Variants in ARHGAP23 observed in about 807,000 individuals in gnomAD.
ARHGAP23 encodes rho GTPase-activating protein 23.
A neutral mutation model predicts 136.3 loss-of-function variants in ARHGAP23; 34 were observed. The observed-to-expected ratio is 0.25, with a 90% CI of 0.19 to 0.33. ARHGAP23 has a LOEUF of 0.33. Among genes scored for constraint, ARHGAP23 ranks in the 10% least tolerant of loss-of-function variants. The pLI is 1.00. For synonymous variants in ARHGAP23, 832 were observed against 920.5 expected (o/e 0.90, Z 1.74); for missense variants, 1,808 against 2,139.0 (o/e 0.85, Z 3.05).
upstream of ARHGAP23, among the ~76,000 whole-genome samples, chr17:38,428,142 T>C (rs1467305727): frequency 6.6e-6 from 1 of 152,188 alleles, no homozygotes; most frequent in Non-Finnish European, 1.5e-5. Flanking sequence ...CCTTGTCCTC[T>C]TTCCTGGGCC....
intron 1 of ARHGAP23, among the ~76,000 whole-genome samples, chr17:38,441,448 C>T (rs1176163080): frequency 2.6e-5 from 4 of 152,178 alleles, no homozygotes; most frequent in Non-Finnish European, 5.9e-5. Flanking sequence ...TAACCTCTTC[C>T]CCCACCTTCT....
intron 17 of ARHGAP23, among the ~76,000 whole-genome samples, chr17:38,487,788 C>T (rs2040190630): frequency 6.6e-6 from 1 of 152,076 alleles, no homozygotes; most frequent in South Asian, 2.1e-4. Flanking sequence ...TGCTTGATCC[C>T]AGGAGGCAGA....
Position 38,510,899 on chromosome 17 carries a change from C to G in ARHGAP23, c.4403C>G (p.Pro1468Arg). 6.7e-7 allele frequency: 1 copy of G among 1,491,300 alleles called. No homozygotes were observed. Among genetic ancestry groups the G allele is most frequent in the Non-Finnish European group, 8.9e-7 (1 of 1,129,308 alleles). 92.4% of individuals were successfully genotyped at this position (1,491,300 alleles called of 1,614,324 possible). ...PSSAASQPPAPGDTGSLQSQP... is the reference protein window; with the variant it reads ...PSSAASQPPARGDTGSLQSQP... ...TCCGCTGCCTCGCAGCCGCCCGCGC[C>G]CGGGGACACGGGGTCCCTGCAGAGC... The change falls in exon 24 of 24, where the codon CCC becomes CGC. Residue 1468 changes from proline (P) to arginine (R), a missense_variant. By Grantham distance (103) the Pro-to-Arg change is moderately radical. Around this residue, in one of 7 missense-constraint regions of ARHGAP23, gnomAD observed 506 missense variants for 455.8 expected, o/e 1.11. Coordinates refer to ENST00000622683, the MANE Select transcript of ARHGAP23 (RefSeq NM_001199417.2). This position sits in a 1 kb window ranked among gnomAD's most constrained non-coding sequence, Gnocchi z 4.6.
At position 38,482,394 on chromosome 17, in the gene ARHGAP23, G is replaced by A; in HGVS notation, c.2752-129G>A. ...TGTCATTTTTAGCTCCCAGACTGGA[G>A]GCAGCAAGGGCCTTTTGTTCCCCCC... On this transcript the variant is annotated intron_variant, in intron 15 of 23. Transcript: ENST00000622683. The A allele has an allele frequency of 4.7e-6, 5 of 1,061,006 alleles. No individual in the cohort carries two copies. The South Asian group carries it at 6.8e-5, about 15-fold the overall frequency. The allele number at this position is 1,061,006 out of a possible 1,614,324, so 65.7% of individuals were successfully genotyped here. A position where few individuals can be genotyped will look rare whatever the true frequency, so the allele number is the denominator to read the frequency against.
At chr17:38,498,388 C>T in intron 21 of ARHGAP23, 26 bp from the exon 22 acceptor site, 1 of 1,530,526 alleles carries the variant, frequency 6.5e-7, no homozygotes, top group Non-Finnish European at 8.8e-7. Context: ...GAGGGCATGC[C>T]AGCTGACCCC....
At chr17:38,493,816 G>A (rs1220109819) in intron 20 of ARHGAP23, among the ~76,000 whole-genome samples, 1 of 152,208 alleles carries the variant, frequency 6.6e-6, no homozygotes, top group Non-Finnish European at 1.5e-5. Context: ...GAGCAGAGAG[G>A]AGAGCAAACC....
At chr17:38,422,598 CT>C (rs2038530434) in intron 1 of ARHGAP23, among the ~76,000 whole-genome samples, 1 of 152,112 alleles carries the variant, frequency 6.6e-6, no homozygotes, top group Non-Finnish European at 1.5e-5. Context: ...GTGTGGCTTG[CT>C]TACCCTGCTG....
chr17:38,486,053 C>A lies in ARHGAP23; in HGVS notation c.2908-9C>A, dbSNP rs149409227. ...CCTGCCTGTGCCTGACATCTGACCC[C>A]TCCCCCAGCGCTGGCAAGACCTCAA... On this transcript the variant is annotated splice_polypyrimidine_tract_variant and intron_variant, in intron 16 of 23. Coordinates refer to ENST00000622683, the MANE Select transcript of ARHGAP23 (RefSeq NM_001199417.2). The A allele has an allele frequency of 5.2e-6, 8 of 1,550,742 alleles. No homozygotes were observed. Among genetic ancestry groups the A allele is most frequent in the Non-Finnish European group, 7.0e-6 (8 of 1,146,722 alleles).
chr17:38,476,047 A>G (rs554386972), intron 11 of ARHGAP23, among the ~76,000 whole-genome samples: 1 of 152,304 alleles, frequency 6.6e-6, no homozygotes, highest in African/African-American at 2.4e-5. Flanking sequence ...CCCTGGCTTG[A>G]CATAGTGAGA....
intron 1 of ARHGAP23, among the ~76,000 whole-genome samples, chr17:38,421,837 G>C (rs2038523571): frequency 6.6e-6 from 1 of 152,210 alleles, no homozygotes; most frequent in Non-Finnish European, 1.5e-5. Context: ...GGGGAGGTGG[G>C]AGCCTCCTCT....
In ARHGAP23 at chr17:38,486,983, T is replaced by C. The variant is rs1597827763; in HGVS notation, c.2986+843T>C. On this transcript the variant is annotated intron_variant, in intron 17 of 23. Transcript: ENST00000622683. ...GGGTTCAGGGGTGTGCTGGCAGATG[T>C]TTAACATCTGTCTCTGGGGGAAAAA... Among the ~76,000 whole-genome samples, 5 of 152,274 alleles carry C rather than the reference T, an allele frequency of 3.3e-5. No individual in the cohort carries two copies. The South Asian group carries it at 1.0e-3, about 32-fold the overall frequency.
chr17:38,494,967 T>C (rs2040359300), intron 20 of ARHGAP23, among the ~76,000 whole-genome samples: 1 of 152,180 alleles, frequency 6.6e-6, no homozygotes, highest in Admixed American at 6.5e-5. Flanking sequence ...TTTGGGCCGA[T>C]CCTCAGGCTT....
intron 20 of ARHGAP23, among the ~76,000 whole-genome samples, chr17:38,496,141 G>A (rs1359170708): frequency 1.3e-5 from 2 of 151,898 alleles, no homozygotes; most frequent in South Asian, 2.1e-4. Flanking sequence ...CAGGTGATCC[G>A]CCCGCCTCAG....
In ARHGAP23 at chr17:38,466,440, A is replaced by G; in HGVS notation, c.757A>G (p.Ser253Gly). The change falls in exon 7 of 24, where the codon AGC becomes GGC. Residue 253 changes from serine (S) to glycine (G), a missense_variant. Coordinates refer to ENST00000622683, the MANE Select transcript of ARHGAP23 (RefSeq NM_001199417.2). ...CTTGGGGATGAGCCAGCCCCGCCCC[A>G]GCCCTGGTGCCTTCCCCCACCTCTC... ...SSLGMSQPRP[S>G]PGAFPHLSSE... is the part of the protein sequence containing the mutation. 4.6e-6 allele frequency: 7 copies of G among 1,524,906 alleles called. 1 individual carries two copies. The highest frequency in any genetic ancestry group is 6.1e-6 in the Non-Finnish European group (7 of 1,138,644). 94.5% of individuals were successfully genotyped at this position (1,524,906 alleles called of 1,614,324 possible).
intron 2 of ARHGAP23, among the ~76,000 whole-genome samples, chr17:38,459,216 CT>C (rs1343363582): frequency 6.6e-6 from 1 of 152,216 alleles, no homozygotes; most frequent in Non-Finnish European, 1.5e-5. Flanking sequence ...TTGGTCCCAC[CT>C]ATCAGAGAAC....
intron 3 of ARHGAP23, 106 bp downstream of exon 3, chr17:38,461,038 C>T (rs1261896060): frequency 2.7e-6 from 4 of 1,477,368 alleles, no homozygotes; most frequent in African/African-American, 1.4e-5. Context: ...TGCCCCCCTC[C>T]CTTGACTCCT....
At chr17:38,438,583 A>G (rs1435950356) in intron 1 of ARHGAP23, among the ~76,000 whole-genome samples, 1 of 152,146 alleles carries the variant, frequency 6.6e-6, no homozygotes, top group Admixed American at 6.5e-5. Flanking sequence ...ACTTGCTCCC[A>G]TAGCTACTTT....
rs755758922 is a variant in ARHGAP23 at position 38,467,195 on chromosome 17, C to T, written c.1512C>T (p.Thr504=). Residue 504 remains threonine (T), a synonymous_variant, in exon 7 of 24, where the codon ACC becomes ACT. Coordinates refer to ENST00000622683, the MANE Select transcript of ARHGAP23 (RefSeq NM_001199417.2). ...CGACGGGCCGCAAGGTTCAGCTGACCCCCGCAAGACAGATGAACCTTGGAT... is the reference window on the plus strand; with the variant it reads ...CGACGGGCCGCAAGGTTCAGCTGACTCCCGCAAGACAGATGAACCTTGGAT... ...KPPTGRKVQL[T]PARQMNLGFG... is the part of the protein sequence containing the mutation. 6.4e-7 allele frequency: 1 copy of T among 1,550,620 alleles called. No homozygotes were observed. The highest frequency in any genetic ancestry group is 2.4e-5 in the East Asian group (1 of 40,900).
At chr17:38,462,741 G>A in intron 3 of ARHGAP23, 105 bp from the exon 4 acceptor site, 6 of 818,462 alleles carry the variant, frequency 7.3e-6, no homozygotes, top group Non-Finnish European at 9.2e-6. Context: ...GTTTGTGACC[G>A]GACGAGTGCA....
Sources: allele counts gnomAD v4.1 joint callset (sites outside exome capture counted in the v4.1 genomes callset), GRCh38; gene constraint gnomAD v4.1.1; regional missense constraint gnomAD v4.1.1; non-coding constraint Gnocchi (gnomAD v3.1); transcripts MANE v1.5; gene names NCBI Gene and HGNC (gene_info 2026-07-23, HGNC 2026-07-21).